Variants in AOX1 observed in about 807,000 individuals in gnomAD.
The protein encoded by AOX1 is aldehyde oxidase 1, also known as aldehyde oxidase.
Under a neutral mutation model 169.5 loss-of-function variants are expected in AOX1, and 153 were observed. The ratio of observed to expected loss-of-function variants is 0.90; its 90% confidence interval spans 0.79 to 1.03. The LOEUF (loss-of-function observed/expected upper bound fraction) is 1.03. AOX1 is among the 50% of genes least tolerant of loss of function. The pLI, the probability that AOX1 is intolerant of heterozygous loss-of-function variation, is 0.00. For missense variants in AOX1, 1,656 were observed against 1,663.9 expected, an observed-to-expected ratio of 1.00 and a Z score of 0.08; for synonymous variants, 562 against 581.9, an observed-to-expected ratio of 0.97 and a Z score of 0.49.
rs192956395 is a variant in AOX1, at chr2:200,669,006, G to A, written c.3798+203G>A. 2.2e-3 allele frequency among the ~76,000 whole-genome samples: 339 copies of A among 152,120 alleles called. 2 individuals carry two copies. Among genetic ancestry groups the A allele is most frequent in the Middle Eastern group, 0.01 (3 of 294 alleles). On this transcript the variant is annotated intron_variant, in intron 33 of 34. Transcript: ENST00000374700. ...TTAGAACTTAACATCAACTACTATT[G>A]CCATCAGGTTCTATCTAATTTTTCA...
At chr2:200,625,217 A>G (rs1362429369) in intron 19 of AOX1, among the ~76,000 whole-genome samples, 1 of 152,240 alleles carries the variant, frequency 6.6e-6, no homozygotes, top group East Asian at 1.9e-4. Flanking sequence ...TTTCATTTAC[A>G]TGTTGCATGC....
chr2:200,644,870 A>G (rs1214415948), intron 25 of AOX1, among the ~76,000 whole-genome samples: 1 of 152,006 alleles, frequency 6.6e-6, no homozygotes, highest in East Asian at 1.9e-4. Context: ...GTATAGAAGA[A>G]CTACTGATTT....
intron 19 of AOX1, among the ~76,000 whole-genome samples, chr2:200,624,932 G>A (rs1379790895): frequency 6.6e-6 from 1 of 152,188 alleles, no homozygotes; most frequent in Non-Finnish European, 1.5e-5. Context: ...TTCTCTGGGT[G>A]ACCGGCATGG....
intron 32 of AOX1, among the ~76,000 whole-genome samples, chr2:200,667,444 C>G (rs1301247676): frequency 5.2e-5 from 7 of 135,552 alleles, no homozygotes; most frequent in Non-Finnish European, 9.7e-5. Context: ...TGTGTCCCCT[C>G]CCCCCCACCC....
chr2:200,619,151 C>A (rs539773060), intron 16 of AOX1, among the ~76,000 whole-genome samples: 5 of 152,246 alleles, frequency 3.3e-5, no homozygotes, highest in African/African-American at 9.6e-5. Flanking sequence ...GGAAATAGGC[C>A]TGTTTCTTCT....
At chr2:200,632,098 TA>T (rs1167224872) in intron 20 of AOX1, among the ~76,000 whole-genome samples, 2 of 152,094 alleles carry the variant, frequency 1.3e-5, no homozygotes, top group Non-Finnish European at 2.9e-5. Context: ...TTTTAATTTT[TA>T]AAAGTTCTGC....
Position 200,597,397 on chromosome 2 carries a change from G to T in AOX1, c.201G>T (p.Arg67Ser), listed in dbSNP as rs767028799. 6.3e-7 allele frequency: 1 copy of T among 1,599,694 alleles called. No homozygotes were observed. Among genetic ancestry groups the T allele is most frequent in the Non-Finnish European group, 8.5e-7 (1 of 1,172,206 alleles). ...SRYNPITKRI[R>S]HHPANACLIP... Reference sequence around the variant, plus strand: ...TGTGCTTTTCTTTTGCATTCTGAAGGCATCACCCAGCCAATGCCTGTCTGA... The same window carrying T: ...TGTGCTTTTCTTTTGCATTCTGAAGTCATCACCCAGCCAATGCCTGTCTGA... The change falls in exon 4 of 35, where the codon AGG becomes AGT. Residue 67 changes from arginine (R) to serine (S), a missense_variant and splice_region_variant. Physicochemically the swap from Arg to Ser is moderately radical, Grantham distance 110 (BLOSUM62 -1). Transcript: ENST00000374700.
At chr2:200,660,110 A>G in intron 29 of AOX1, 41 bp downstream of exon 29, 8 of 1,531,266 alleles carry the variant, frequency 5.2e-6, no homozygotes, top group Middle Eastern at 1.7e-4. Flanking sequence ...TTAGAAGAAA[A>G]AGGAGTGGGA....
At chr2:200,626,148 C>A (rs1353092255) in intron 19 of AOX1, among the ~76,000 whole-genome samples, 2 of 152,150 alleles carry the variant, frequency 1.3e-5, no homozygotes, top group African/African-American at 2.4e-5. Flanking sequence ...GAGGCAAAAA[C>A]TATTTTTATC....
At chr2:200,617,422 A>C (rs899308103) in intron 16 of AOX1, among the ~76,000 whole-genome samples, 4 of 150,550 alleles carry the variant, frequency 2.7e-5, no homozygotes, top group African/African-American at 7.3e-5. Flanking sequence ...CCAAATACTA[A>C]GCAGAAGCAG....
intron 9 of AOX1, 105 bp downstream of exon 9, chr2:200,604,945 A>G: frequency 9.5e-7 from 1 of 1,056,722 alleles, no homozygotes; most frequent in Non-Finnish European, 1.4e-6. Context: ...TCTCAGGAAA[A>G]GCAGTCTGAA....
At chr2:200,601,311 G>T (rs564010079) in intron 5 of AOX1, among the ~76,000 whole-genome samples, 8 of 152,018 alleles carry the variant, frequency 5.3e-5, no homozygotes, top group Non-Finnish European at 7.4e-5. Flanking sequence ...CCTGGGGAAC[G>T]GGAAAACAAA....
Position 200,605,565 on chromosome 2 carries a change from C to A in AOX1, c.844C>A (p.His282Asn). Reference protein sequence around the residue: ...GPEVKFKGVFHPVIISPDRIE... With the variant: ...GPEVKFKGVFNPVIISPDRIE... ...TGAAGTGAAATTTAAAGGCGTCTTT[C>A]ACCCAGTTATAATTTCTCCTGATAG... Residue 282 changes from histidine to asparagine, a missense_variant, in exon 10 of 35, where the codon CAC becomes AAC. By Grantham distance (68) the His-to-Asn change is moderately conservative (BLOSUM62 1). Transcript: ENST00000374700. 6.5e-7 allele frequency: 1 copy of A among 1,547,098 alleles called. No homozygotes were observed. Among genetic ancestry groups the A allele is most frequent in the South Asian group, 1.3e-5 (1 of 78,270 alleles).
rs1266519106 is a variant in AOX1, at chr2:200,595,282, A to G, written c.114A>G (p.Thr38=). Residue 38 remains threonine (T), a synonymous_variant, in exon 3 of 35, where the codon ACA becomes ACG. Transcript: ENST00000374700. ...LPYLRKKLRL[T]GTKYGCGGGG... ...CTATACCTCTTCCAGTTCGACTCAC[A>G]GGAACTAAGTATGGCTGTGGAGGAG... 1 of 1,612,446 alleles carries G rather than the reference A, an allele frequency of 6.2e-7. No homozygotes were observed. Among genetic ancestry groups the G allele is most frequent in the Admixed American group, 1.7e-5 (1 of 59,934 alleles).
At chr2:200,599,021 C>A (rs575753409) in intron 4 of AOX1, among the ~76,000 whole-genome samples, 1 of 152,312 alleles carries the variant, frequency 6.6e-6, no homozygotes, top group African/African-American at 2.4e-5. Flanking sequence ...AATACCCTTT[C>A]ATTTCTTCAT....
At chr2:200,681,510 A>G (rs2036152673), downstream of AOX1, 1 of 152,618 alleles carries the variant, frequency 6.6e-6, no homozygotes, top group African/African-American at 2.4e-5. Context: ...AACCTCTTCA[A>G]CTGTAGAAGA....
intron 3 of AOX1, 124 bp from the exon 4 acceptor site, chr2:200,597,273 T>G: frequency 1.8e-6 from 1 of 554,572 alleles, no homozygotes; most frequent in Non-Finnish European, 3.1e-6. Flanking sequence ...AGGAAATGTA[T>G]GTGTAAAACC....
rs1352980621 is a variant in AOX1 at position 200,613,959 on chromosome 2, A to G, written c.1604A>G (p.Lys535Arg). The change falls in exon 15 of 35, where the codon AAA becomes AGA. Residue 535 changes from lysine (K) to arginine (R), a missense_variant. Lys to Arg is a conservative substitution (Grantham distance 26, BLOSUM62 2). Transcript: ENST00000374700. The part of the protein sequence containing the change: ...KFYLEVSQIL[K>R]KMDPVHYPSL... The stretch of plus-strand genomic sequence containing the variant: ...TACCTGGAAGTGTCACAGATTTTGA[A>G]AAAGATGGTAAACAACTGTTTACAC... 6.2e-7 allele frequency: 1 copy of G among 1,612,056 alleles called. No individual in the cohort carries two copies. The highest frequency in any genetic ancestry group is 2.2e-5 in the East Asian group (1 of 44,872).
At chr2:200,630,438 G>T (rs2035093897) in intron 20 of AOX1, among the ~76,000 whole-genome samples, 1 of 151,770 alleles carries the variant, frequency 6.6e-6, no homozygotes, top group African/African-American at 2.4e-5. Flanking sequence ...CACCAGAATG[G>T]CTTGAACCCG....
Sources: allele counts gnomAD v4.1 joint callset (sites outside exome capture counted in the v4.1 genomes callset), GRCh38; gene constraint gnomAD v4.1.1; transcripts MANE v1.5; gene names NCBI Gene and HGNC (gene_info 2026-07-23, HGNC 2026-07-21).